CNGB3: variants seen among roughly 807,000 people sequenced by gnomAD.
CNGB3 encodes the protein cyclic nucleotide-gated channel beta-3.
CNGB3 carries 86 observed loss-of-function variants against 92.8 expected under a neutral mutation model. The ratio of observed to expected loss-of-function variants is 0.93; its 90% CI spans 0.78 to 1.11. The LOEUF (loss-of-function observed/expected upper bound fraction) is 1.11, where lower values mean the gene tolerates loss of function less well. CNGB3 is among the 50% of genes least tolerant of loss of function. CNGB3 has a pLI of 0.00. For synonymous variants in CNGB3, 333 were observed against 332.7 expected (o/e 1.00, Z -0.01); for missense variants, 1,026 against 956.8 (o/e 1.07, Z -0.95).
rs190192297 is a variant in CNGB3 at position 86,718,080 on chromosome 8, C to T, written c.338+8451G>A. ...AAAAGTCAGAAAGAGAACAAAGTGA[C>T]AATCTAAGGTCACACCTCATGGACC... On this transcript the variant is annotated intron_variant, in intron 3 of 17. Coordinates refer to ENST00000320005, the MANE Select transcript of CNGB3 (RefSeq NM_019098.5). Among the ~76,000 whole-genome samples, 42 of 151,294 alleles carry T rather than the reference C, an allele frequency of 2.8e-4. 2 individuals are homozygous for T. The East Asian group carries it at 8.2e-3, about 29-fold the overall frequency.
At chr8:86,676,578 G>C (rs1378027070) in intron 3 of CNGB3, among the ~76,000 whole-genome samples, 1 of 152,144 alleles carries the variant, frequency 6.6e-6, no homozygotes, top group East Asian at 1.9e-4. Context: ...GTTGCAGTAA[G>C]GAGGAAGTGT....
At chr8:86,632,544 C>A (rs950465323) in intron 11 of CNGB3, among the ~76,000 whole-genome samples, 3 of 152,146 alleles carry the variant, frequency 2.0e-5, no homozygotes, top group Non-Finnish European at 4.4e-5. Flanking sequence ...TATTTGCTGA[C>A]AGGTCTTTTG....
chr8:86,733,187 T>C (rs1825188088), intron 2 of CNGB3, among the ~76,000 whole-genome samples: 1 of 152,130 alleles, frequency 6.6e-6, no homozygotes, highest in African/African-American at 2.4e-5. Context: ...AGTGAGAACA[T>C]GTGGTATTTG....
At chr8:86,707,131 CCCATCCATCCAT>C (rs1191107058) in intron 3 of CNGB3, among the ~76,000 whole-genome samples, 8 of 152,126 alleles carry the variant, frequency 5.3e-5, no homozygotes, top group Admixed American at 2.0e-4. Flanking sequence ...CTAAAAGGCT[CCCATCCATCCAT>C]CCATTCATTC....
intron 11 of CNGB3, among the ~76,000 whole-genome samples, chr8:86,630,174 C>T (rs1227102508): frequency 3.3e-5 from 5 of 152,138 alleles, no homozygotes; most frequent in African/African-American, 1.2e-4. Context: ...GTCTCTTACT[C>T]CTCAGTGGCT....
At chr8:86,576,241 A>G (rs751773204) in intron 17 of CNGB3, 111 bp from the exon 18 acceptor site, 111 of 1,126,744 alleles carry the variant, frequency 9.9e-5, no homozygotes, top group Non-Finnish European at 1.4e-4. Flanking sequence ...GACTGTCTGA[A>G]TTAAGTGAAT....
At chr8:86,685,910 A>G (rs983653332) in intron 3 of CNGB3, among the ~76,000 whole-genome samples, 16 of 152,118 alleles carry the variant, frequency 1.1e-4, no homozygotes, top group African/African-American at 3.9e-4. Flanking sequence ...TGTTAGCAGT[A>G]TGTGCCAGAA....
intron 16 of CNGB3, 30 bp downstream of exon 16, chr8:86,579,076 C>T (rs1397172340): frequency 6.2e-7 from 1 of 1,613,950 alleles, no homozygotes; most frequent in Non-Finnish European, 8.5e-7. Flanking sequence ...CCAACTCCAT[C>T]CATCTCTAAT....
In CNGB3 at chr8:86,604,097, T is replaced by C. The variant is rs1453729669; in HGVS notation, c.1777A>G (p.Ile593Val). Residue 593 changes from isoleucine to valine, a missense_variant, in exon 15 of 18, where the codon ATC becomes GTC. Ile to Val is a conservative substitution (Grantham distance 29, BLOSUM62 3). Coordinates refer to ENST00000320005, the MANE Select transcript of CNGB3 (RefSeq NM_019098.5). ...TLKAGSVFGE[I>V]SLLAAGGGNR... Reference sequence around the variant, plus strand: ...TATGAAGTATCTTTCAGATACCTGATTTCTCCAAACACCGACCCAGCTTTC... The same window carrying C: ...TATGAAGTATCTTTCAGATACCTGACTTCTCCAAACACCGACCCAGCTTTC... 2 of 1,604,128 alleles carry C rather than the reference T, an allele frequency of 1.2e-6. No homozygotes were observed. Among genetic ancestry groups the C allele is most frequent in the Non-Finnish European group, 1.7e-6 (2 of 1,171,072 alleles).
intron 15 of CNGB3, among the ~76,000 whole-genome samples, chr8:86,588,573 T>A (rs1821945986): frequency 6.6e-6 from 1 of 151,694 alleles, no homozygotes. Context: ...GTCAAAGGCC[T>A]TTTCTGCATC....
At chr8:86,594,200 G>A (rs1326164723) in intron 15 of CNGB3, 1 of 276,098 alleles carries the variant, frequency 3.6e-6, no homozygotes, top group Non-Finnish European at 7.2e-6. Context: ...CCCCAACAGG[G>A]CCAAGACCTT....
At chr8:86,716,583 A>T (rs537555700) in intron 3 of CNGB3, among the ~76,000 whole-genome samples, 21 of 152,316 alleles carry the variant, frequency 1.4e-4, no homozygotes, top group African/African-American at 5.1e-4. Flanking sequence ...CTTAAACAAA[A>T]CAATTAGCAG....
rs532921338 is a variant in CNGB3, at chr8:86,593,776, A to G, written c.1781+10317T>C. On this transcript the variant is annotated intron_variant, in intron 15 of 17. Coordinates refer to ENST00000320005, the MANE Select transcript of CNGB3 (RefSeq NM_019098.5). ...AGCTCAGGATGCCAGGGCAGTACTT[A>G]TCAATGAGCCCCTGGTAGTAGGGCC... 5.7e-5 allele frequency: 75 copies of G among 1,325,732 alleles called. 1 individual carries two copies. In the African/African-American group the frequency reaches 9.9e-4, roughly 17 times the overall value. The allele number at this position is 1,325,732 out of a possible 1,614,324, so 82.1% of individuals were successfully genotyped here.
intron 3 of CNGB3, among the ~76,000 whole-genome samples, chr8:86,679,169 G>A (rs79214754): frequency 0.017 from 2,626 of 152,060 alleles, 73 homozygotes; most frequent in African/African-American, 0.061. Context: ...CACTTATTTT[G>A]CACCAGGAAA....
At chr8:86,737,449 C>G (rs114765139) in intron 2 of CNGB3, among the ~76,000 whole-genome samples, 3,381 of 152,068 alleles carry the variant, frequency 0.022, 121 homozygotes, top group African/African-American at 0.078. Context: ...TAAATAGAAA[C>G]AAGTAAGTAT....
chr8:86,738,767 G>A (rs1825289257), intron 2 of CNGB3, among the ~76,000 whole-genome samples: 1 of 151,602 alleles, frequency 6.6e-6, no homozygotes. Context: ...CCTGAACCCG[G>A]GAGGTGGAGC....
At chr8:86,739,895 C>G (rs542621169) in intron 1 of CNGB3, among the ~76,000 whole-genome samples, 159 bp from the exon 2 acceptor site, 2 of 152,144 alleles carry the variant, frequency 1.3e-5, no homozygotes, top group African/African-American at 4.8e-5. Context: ...AATGGGCATT[C>G]TTGGCCTACT....
intron 3 of CNGB3, among the ~76,000 whole-genome samples, chr8:86,723,716 C>T (rs1825012152): frequency 6.6e-6 from 1 of 152,110 alleles, no homozygotes; most frequent in African/African-American, 2.4e-5. Context: ...CTGGTTTTCA[C>T]CCAATCCTGA....
chr8:86,617,543 T>C (rs1435900082), intron 13 of CNGB3, among the ~76,000 whole-genome samples: 6 of 152,212 alleles, frequency 3.9e-5, no homozygotes. Flanking sequence ...TACTGATTGG[T>C]AGCTGTTGGG....
Sources: gnomAD v4.1 joint callset for allele counts (sites outside exome capture counted in the v4.1 genomes callset) on GRCh38, gnomAD v4.1.1 for gene constraint, MANE v1.5 for transcripts, NCBI Gene and HGNC (gene_info 2026-07-23, HGNC 2026-07-21) for gene names.